Variants in KCNH5 observed in about 807,000 individuals in gnomAD.
The protein encoded by KCNH5 is potassium voltage-gated channel subfamily H member 5.
KCNH5 carries 46 observed loss-of-function variants against 96.1 expected under a neutral mutation model. The observed-to-expected ratio is 0.48, with a 90% confidence interval of 0.38 to 0.61. KCNH5 has a LOEUF of 0.61. Ranked by LOEUF, KCNH5 falls within the 20% of genes least tolerant of loss-of-function variation. The probability of loss-of-function intolerance (pLI) is 0.00; values close to 1 mark genes in which losing one functional copy is unlikely to be tolerated. For synonymous variants in KCNH5, 439 were observed against 449.8 expected (o/e 0.98, Z 0.30); for missense variants, 907 against 1,225.8 (o/e 0.74, Z 3.88).
At chr14:62,732,093 G>A (rs879498699) in intron 10 of KCNH5, among the ~76,000 whole-genome samples, 1 of 152,170 alleles carries the variant, frequency 6.6e-6, no homozygotes, top group Non-Finnish European at 1.5e-5. Flanking sequence ...TTCAGTGACT[G>A]TATCAATTAG....
chr14:62,727,794 CAGG>C (rs1884963892), intron 10 of KCNH5, among the ~76,000 whole-genome samples: 1 of 144,050 alleles, frequency 6.9e-6, no homozygotes, highest in African/African-American at 2.6e-5. Context: ...AAAAAAAAAG[CAGG>C]AGACTTATAA....
intron 7 of KCNH5, among the ~76,000 whole-genome samples, chr14:62,933,442 G>A (rs1595690205): frequency 1.3e-5 from 2 of 150,478 alleles, no homozygotes; most frequent in African/African-American, 4.9e-5. Context: ...GCATATATAT[G>A]CACATATATA....
At chr14:63,036,583 G>A (rs973286215) in intron 1 of KCNH5, among the ~76,000 whole-genome samples, 4 of 152,008 alleles carry the variant, frequency 2.6e-5, no homozygotes, top group African/African-American at 9.7e-5. Flanking sequence ...CTTTTGAGTA[G>A]TACAAGAAGA....
rs1271834396 is a variant in KCNH5, at chr14:62,707,527, T to G, written c.2948A>C (p.Lys983Thr). 2 of 1,450,472 alleles carry G rather than the reference T, an allele frequency of 1.4e-6. No homozygotes were observed. Among genetic ancestry groups the G allele is most frequent in the African/African-American group, 2.8e-5 (2 of 70,798 alleles). The allele number at this position is 1,450,472 out of a possible 1,614,324, so 89.9% of individuals were successfully genotyped here. Residue 983 changes from lysine (K) to threonine (T), a missense_variant, in exon 11 of 11, where the codon AAA becomes ACA. Lys to Thr is a moderately conservative substitution (Grantham distance 78). Coordinates refer to ENST00000322893, the MANE Select transcript of KCNH5 (RefSeq NM_139318.5). ...VSRPESPESDKDEIHF is the reference protein window; with the variant it reads ...VSRPESPESDTDEIHF ...TATATATTAAAAGTGGATTTCATCT[T>G]TGTCAGATTCAGGTGATTCAGGCCT... is the stretch of plus-strand genomic sequence containing the variant.
At chr14:62,980,768 G>T in intron 6 of KCNH5, 104 bp downstream of exon 6, 1 of 1,211,644 alleles carries the variant, frequency 8.3e-7, no homozygotes, top group Non-Finnish European at 1.1e-6. Flanking sequence ...AAAGTTGAAA[G>T]TGGTGGCTAA....
intron 10 of KCNH5, among the ~76,000 whole-genome samples, chr14:62,713,476 C>G (rs967062966): frequency 6.6e-6 from 1 of 152,094 alleles, no homozygotes; most frequent in Non-Finnish European, 1.5e-5. Flanking sequence ...GATTTCATTG[C>G]AAGGATGCAG....
intron 7 of KCNH5, among the ~76,000 whole-genome samples, chr14:62,933,260 A>G (rs1386439085): frequency 6.6e-6 from 1 of 152,200 alleles, no homozygotes; most frequent in Non-Finnish European, 1.5e-5. Context: ...AAGAAAAAAA[A>G]TTGTGATAAT....
intron 7 of KCNH5, among the ~76,000 whole-genome samples, chr14:62,891,143 A>G (rs1595672618): frequency 6.6e-6 from 1 of 152,202 alleles, no homozygotes. Context: ...TAGCAAAGAC[A>G]TGGAATCAAC....
At chr14:62,835,563 T>TA (rs1366160207) in intron 8 of KCNH5, among the ~76,000 whole-genome samples, 2 of 152,046 alleles carry the variant, frequency 1.3e-5, no homozygotes, top group African/African-American at 4.8e-5. Context: ...CATAGCCTTT[T>TA]AAAAAGATTC....
intron 7 of KCNH5, among the ~76,000 whole-genome samples, chr14:62,886,779 T>C (rs181078436): frequency 1.2e-3 from 187 of 152,306 alleles, no homozygotes; most frequent in Middle Eastern, 6.8e-3. Flanking sequence ...TAGTTTGAGG[T>C]TTATAAAGCA....
At chr14:62,979,918 C>T (rs1402837486) in intron 6 of KCNH5, among the ~76,000 whole-genome samples, 1 of 152,114 alleles carries the variant, frequency 6.6e-6, no homozygotes, top group African/African-American at 2.4e-5. Context: ...GGCTCTGTGT[C>T]CCCACCCAAA....
chr14:62,748,024 G>A (rs559950990), intron 10 of KCNH5, among the ~76,000 whole-genome samples: 9 of 152,292 alleles, frequency 5.9e-5, no homozygotes, highest in Non-Finnish European at 1.3e-4. Flanking sequence ...TAGCTTATAA[G>A]AGGGTGATTC....
At chr14:62,986,336 G>A (rs1890707237) in intron 5 of KCNH5, among the ~76,000 whole-genome samples, 1 of 152,034 alleles carries the variant, frequency 6.6e-6, no homozygotes, top group Admixed American at 6.6e-5. Flanking sequence ...TTTTTCTGAG[G>A]CACAAAGGTC....
At chr14:62,909,281 G>C (rs942992390) in intron 7 of KCNH5, among the ~76,000 whole-genome samples, 3 of 151,532 alleles carry the variant, frequency 2.0e-5, no homozygotes, top group Non-Finnish European at 4.4e-5. Context: ...TCCTGACCTC[G>C]TGATCCGCCC....
chr14:62,909,907 TA>T, intron 7 of KCNH5, among the ~76,000 whole-genome samples: 1 of 152,238 alleles, frequency 6.6e-6, no homozygotes, highest in Non-Finnish European at 1.5e-5. Flanking sequence ...TAACGAAAAA[TA>T]CAATATTTCA....
chr14:62,839,301 G>A (rs1887527649), intron 8 of KCNH5, among the ~76,000 whole-genome samples: 1 of 151,758 alleles, frequency 6.6e-6, no homozygotes, highest in Non-Finnish European at 1.5e-5. Context: ...AAGCACTTTT[G>A]AAAACAAAAT....
chr14:62,959,280 G>C (rs1323827805), intron 6 of KCNH5, among the ~76,000 whole-genome samples: 2 of 152,054 alleles, frequency 1.3e-5, no homozygotes, highest in Non-Finnish European at 2.9e-5. Context: ...GGCCCCACTG[G>C]ATTATTTTGA....
intron 7 of KCNH5, among the ~76,000 whole-genome samples, chr14:62,947,553 C>A (rs1472462287): frequency 2.6e-5 from 4 of 152,166 alleles, no homozygotes; most frequent in Non-Finnish European, 5.9e-5. Flanking sequence ...AACACTGATG[C>A]TTCAATAGCT....
intron 1 of KCNH5, among the ~76,000 whole-genome samples, chr14:63,035,456 T>G (rs1891705503): frequency 6.6e-6 from 1 of 152,238 alleles, no homozygotes; most frequent in Admixed American, 6.5e-5. Context: ...AGGAGCTAAT[T>G]GTTCAAGAAA....
Sources: gnomAD v4.1 joint callset for allele counts (sites outside exome capture counted in the v4.1 genomes callset) on GRCh38, gnomAD v4.1.1 for gene constraint, MANE v1.5 for transcripts, NCBI Gene and HGNC (gene_info 2026-07-23, HGNC 2026-07-21) for gene names.